Variants in CNOT9 observed in about 807,000 individuals in gnomAD.
CNOT9 encodes CCR4-NOT transcription complex subunit 9, also known as RCD1 required for cell differentiation1 homolog.
In CNOT9, 8 loss-of-function variants were observed where a neutral mutation model predicts 37.4. That is an observed-to-expected ratio of 0.21 (90% CI 0.13 to 0.39). The LOEUF (loss-of-function observed/expected upper bound fraction) is 0.39, where lower values mean the gene tolerates loss of function less well. CNOT9 is among the 10% of genes least tolerant of loss of function. CNOT9 has a pLI of 1.00. For synonymous variants in CNOT9, 120 were observed against 137.6 expected, an observed-to-expected ratio of 0.87 and a Z score of 0.90; for missense variants, 154 against 365.3, an observed-to-expected ratio of 0.42 and a Z score of 4.71.
intron 4 of CNOT9, 142 bp from the exon 5 acceptor site, chr2:218,587,444 G>A (rs537530710): frequency 1.2e-5 from 15 of 1,274,664 alleles, no homozygotes; most frequent in Non-Finnish European, 1.4e-5. Flanking sequence ...TTTTTAATAC[G>A]AGTGTGAATC....
At chr2:218,591,762 A>G (rs1694783898) in intron 5 of CNOT9, among the ~76,000 whole-genome samples, 1 of 152,048 alleles carries the variant, frequency 6.6e-6, no homozygotes, top group Admixed American at 6.5e-5. Flanking sequence ...AAAGAAAAGA[A>G]AAAAGAAAGA....
intron 2 of CNOT9, among the ~76,000 whole-genome samples, chr2:218,581,332 C>CTT (rs773632542): frequency 1.4e-5 from 2 of 143,174 alleles, no homozygotes. Context: ...CCATGCCTGG[C>CTT]TTTTTTTTTT....
chr2:218,594,329 C>T lies in CNOT9; in HGVS notation c.*53C>T, dbSNP rs1005946256. On this transcript the variant is annotated 3_prime_UTR_variant, in exon 8 of 8. Transcript: ENST00000273064. ...CCCAAGTTGGGGAAAGGAGGGGGAA[C>T]CTACGAGAAAAACAGCTCAGGTTTT... The T allele has an allele frequency of 1.3e-5, 20 of 1,534,934 alleles. No homozygotes were observed. The highest frequency in any genetic ancestry group is 1.8e-5 in the Non-Finnish European group (20 of 1,133,400).
At position 218,592,535 on chromosome 2, in the gene CNOT9, A is replaced by C. The variant is rs551462755; in HGVS notation, c.640-81A>C. The C allele has an allele frequency of 6.6e-7, 1 of 1,518,196 alleles. No homozygotes were observed. Among genetic ancestry groups the C allele is most frequent in the Non-Finnish European group, 9.2e-7 (1 of 1,092,622 alleles). 94.0% of individuals were successfully genotyped at this position (1,518,196 alleles called of 1,614,324 possible). On this transcript the variant is annotated intron_variant, in intron 6 of 7. Transcript: ENST00000273064. The surrounding 1 kb of genome is among the most constrained non-coding windows in gnomAD (Gnocchi z 4.1). ...TGGAACCTTTTATGATTCTTGGACT[A>C]TCTGATCTCTGATGTCAATTAGAAT...
chr2:218,571,106 TAATG>T (rs1693977658), intron 1 of CNOT9, among the ~76,000 whole-genome samples: 1 of 152,340 alleles, frequency 6.6e-6, no homozygotes, highest in African/African-American at 2.4e-5. Context: ...GAAGCATAAT[TAATG>T]CATGCAACCG....
Position 218,595,404 on chromosome 2 carries a change from C to CTTTTTTTTTTTTTTTTTTTTTTT in CNOT9, c.*1134_*1156dup, listed in dbSNP as rs57839540. ...GAGGGCTGGGTTCTGCTCACTCAGTCTTTTTTTTTTTTTTTTTTTTTTTTT... is the reference window on the plus strand; with the variant it reads ...GAGGGCTGGGTTCTGCTCACTCAGTCTTTTTTTTTTTTTTTTTTTTTTTTTTTTTTTTTTTTTTTTTTTTTTTT... On this transcript the variant is annotated 3_prime_UTR_variant, in exon 8 of 8. Transcript: ENST00000273064. 7 of 50,928 alleles carry CTTTTTTTTTTTTTTTTTTTTTTT rather than the reference C, an allele frequency of 1.4e-4. No homozygotes were observed. The highest frequency in any genetic ancestry group is 1.4e-3 in the South Asian group (1 of 704). The allele number at this position is 50,928 out of a possible 1,614,324, so 3.2% of individuals were successfully genotyped here. A position where few individuals can be genotyped will look rare whatever the true frequency, so the allele number is the denominator to read the frequency against.
chr2:218,582,935 T>TTCCTTATTCATC, intron 2 of CNOT9, 36 bp from the exon 3 acceptor site: 2 of 1,175,806 alleles, frequency 1.7e-6, no homozygotes, highest in Non-Finnish European at 2.5e-6. Context: ...TTTTTAGTTA[T>TTCCTTATTCATC]TCCTTATTCA....
intron 5 of CNOT9, among the ~76,000 whole-genome samples, chr2:218,591,562 G>C (rs1242786182): frequency 6.6e-6 from 1 of 152,118 alleles, no homozygotes; most frequent in African/African-American, 2.4e-5. Flanking sequence ...AGCCAAGACG[G>C]TGAAACCCCG....
chr2:218,568,986 G>T lies in CNOT9; in HGVS notation c.24+8G>T, dbSNP rs532933156. On this transcript the variant is annotated splice_region_variant and intron_variant, in intron 1 of 7. Transcript: ENST00000273064. ...AGCCTGGCGACGGCTGCGGTGAGTG[G>T]CTGGGCCCCCAGGCTTGGAACCAGA... 6.2e-7 allele frequency: 1 copy of T among 1,611,320 alleles called. No individual in the cohort carries two copies. Among genetic ancestry groups the T allele is most frequent in the East Asian group, 2.2e-5 (1 of 44,522 alleles).
At chr2:218,575,387 C>CTTTTTTTTTTT (rs71064461) in intron 1 of CNOT9, among the ~76,000 whole-genome samples, 4 of 127,232 alleles carry the variant, frequency 3.1e-5, no homozygotes, top group African/African-American at 8.5e-5. Context: ...TTTCTTTTTT[C>CTTTTTTTTTTT]TTTTTTTTTT....
At chr2:218,582,606 T>C (rs891192275) in intron 2 of CNOT9, among the ~76,000 whole-genome samples, 2 of 151,878 alleles carry the variant, frequency 1.3e-5, no homozygotes, top group African/African-American at 4.8e-5. Context: ...AGGAGAATGG[T>C]GTGAACCTGG....
At chr2:218,573,715 T>G (rs1369029505) in intron 1 of CNOT9, 1 of 154,100 alleles carries the variant, frequency 6.5e-6, no homozygotes, top group Admixed American at 6.5e-5. Flanking sequence ...TGTTAAAATC[T>G]TTCAGAAATA....
chr2:218,569,978 C>T (rs906663614), intron 1 of CNOT9, among the ~76,000 whole-genome samples: 16 of 152,110 alleles, frequency 1.1e-4, no homozygotes, highest in Non-Finnish European at 2.2e-4. Flanking sequence ...AGCCCTGATC[C>T]CCGTGTAATT....
chr2:218,575,791 A>G (rs189354812), intron 1 of CNOT9, among the ~76,000 whole-genome samples: 3 of 152,280 alleles, frequency 2.0e-5, no homozygotes, highest in Non-Finnish European at 1.5e-5. Context: ...AATGCTTCAA[A>G]TAAGGTAATT....
intron 7 of CNOT9, 189 bp from the exon 8 acceptor site, chr2:218,593,919 G>A (rs1045050642): frequency 1.0e-6 from 1 of 999,552 alleles, no homozygotes; most frequent in Non-Finnish European, 1.4e-6. Context: ...GAAAATATTT[G>A]TGGATACAGA....
intron 5 of CNOT9, among the ~76,000 whole-genome samples, chr2:218,590,039 A>G (rs1164757934): frequency 7.5e-6 from 1 of 132,826 alleles, no homozygotes; most frequent in Non-Finnish European, 1.6e-5. Flanking sequence ...GTTGGTAGAA[A>G]TATTGCTTTT....
At chr2:218,585,641 T>TTTTA (rs1553564932) in intron 4 of CNOT9, among the ~76,000 whole-genome samples, 61 of 37,736 alleles carry the variant, frequency 1.6e-3, no homozygotes, top group Admixed American at 8.8e-3. Flanking sequence ...TTATTTTATT[T>TTTTA]TTTTTTTTTT....
At chr2:218,575,727 G>A (rs59428756) in intron 1 of CNOT9, among the ~76,000 whole-genome samples, 3,279 of 152,094 alleles carry the variant, frequency 0.022, 120 homozygotes, top group African/African-American at 0.073. Flanking sequence ...AAGGGTCTGG[G>A]CCTCAAAAAA....
At position 218,568,900 on chromosome 2, in the gene CNOT9, G is replaced by C. The variant is rs561968808; in HGVS notation, c.-55G>C. ...TTTTCCGCTGCAGGGGTGCTGAAGG[G>C]GGGACGCGGGTCGGACGCGTCCGGC... On this transcript the variant is annotated 5_prime_UTR_variant, in exon 1 of 8. Coordinates refer to ENST00000273064, the MANE Select transcript of CNOT9 (RefSeq NM_005444.3). 24 of 1,585,838 alleles carry C rather than the reference G, an allele frequency of 1.5e-5. No homozygotes were observed. Among genetic ancestry groups the C allele is most frequent in the Non-Finnish European group, 2.1e-5 (24 of 1,164,804 alleles).
Sources: allele counts gnomAD v4.1 joint callset (sites outside exome capture counted in the v4.1 genomes callset), GRCh38; gene constraint gnomAD v4.1.1; non-coding constraint Gnocchi (gnomAD v3.1); transcripts MANE v1.5; gene names NCBI Gene and HGNC (gene_info 2026-07-23, HGNC 2026-07-21).